ZNF536: variants seen among roughly 807,000 people sequenced by gnomAD.
ZNF536 encodes the protein zinc finger protein 536.
ZNF536 carries 13 observed loss-of-function variants against 84.5 expected under a neutral mutation model. That is an observed-to-expected ratio of 0.15 (90% CI 0.10 to 0.24). ZNF536 has a LOEUF of 0.24. Among genes scored for constraint, ZNF536 ranks in the 10% least tolerant of loss-of-function variants. The pLI, the probability that ZNF536 is intolerant of heterozygous loss-of-function variation, is 1.00. For missense variants in ZNF536, 1,536 were observed against 1,747.5 expected (o/e 0.88, Z 2.16); for synonymous variants, 811 against 742.5 (o/e 1.09, Z -1.50).
intron 2 of ZNF536, among the ~76,000 whole-genome samples, chr19:30,295,190 A>G (rs1192542115): frequency 1.3e-5 from 2 of 152,192 alleles, no homozygotes; most frequent in African/African-American, 4.8e-5. Flanking sequence ...CCACACTTTG[A>G]GTAGCAAGAG....
At chr19:30,685,519 G>A (rs576886945) in intron 1 of ZNF536, among the ~76,000 whole-genome samples, 1 of 152,218 alleles carries the variant, frequency 6.6e-6, no homozygotes, top group East Asian at 1.9e-4. Flanking sequence ...ACCCAGGGAG[G>A]TAGAGACGGA....
chr19:30,229,578 G>T (rs557766742), intron 1 of ZNF536, among the ~76,000 whole-genome samples: 8 of 152,196 alleles, frequency 5.3e-5, no homozygotes, highest in Admixed American at 6.5e-5. Flanking sequence ...TGGTGGGGGG[G>T]GCTCAGCTTT....
At chr19:30,351,918 G>A (rs1396994410) in intron 2 of ZNF536, among the ~76,000 whole-genome samples, 1 of 152,228 alleles carries the variant, frequency 6.6e-6, no homozygotes, top group Admixed American at 6.5e-5. Flanking sequence ...TGGGGGAGAA[G>A]AACAAAGGGA....
intron 1 of ZNF536, among the ~76,000 whole-genome samples, chr19:30,664,257 T>TCTCTCTCC (rs2050238445): frequency 7.5e-6 from 1 of 133,870 alleles, no homozygotes; most frequent in Non-Finnish European, 1.6e-5. Flanking sequence ...TCTCTCTCTC[T>TCTCTCTCC]CTCTCCCTCT....
intron 4 of ZNF536, among the ~76,000 whole-genome samples, chr19:30,549,944 G>A (rs965089221): frequency 6.6e-6 from 1 of 152,156 alleles, no homozygotes; most frequent in African/African-American, 2.4e-5. Flanking sequence ...AGCCAAATCT[G>A]CTTTCTTAAA....
intron 2 of ZNF536, among the ~76,000 whole-genome samples, chr19:30,525,237 C>T (rs979824001): frequency 1.3e-5 from 2 of 152,140 alleles, no homozygotes; most frequent in Non-Finnish European, 2.9e-5. Context: ...CCTGGACATC[C>T]CCAGGCCTCC....
At chr19:30,501,920 C>T (rs1232616471) in intron 2 of ZNF536, among the ~76,000 whole-genome samples, 1 of 152,190 alleles carries the variant, frequency 6.6e-6, no homozygotes, top group Non-Finnish European at 1.5e-5. Flanking sequence ...CATAAATGGG[C>T]TAAGGGAGGT....
chr19:30,383,630 C>T (rs1600486458), intron 1 of ZNF536, among the ~76,000 whole-genome samples: 1 of 139,102 alleles, frequency 7.2e-6, no homozygotes, highest in East Asian at 2.1e-4. Flanking sequence ...CTCTTTCTTT[C>T]TTCCTTTCTT....
intron 1 of ZNF536, among the ~76,000 whole-genome samples, chr19:30,689,745 A>T (rs1191195829): frequency 6.6e-6 from 1 of 152,170 alleles, no homozygotes; most frequent in Non-Finnish European, 1.5e-5. Context: ...GGAGGGCAAA[A>T]GCTCCTAGTG....
chr19:30,562,313 G>A (rs2146439267), downstream of ZNF536, among the ~76,000 whole-genome samples: 2 of 152,240 alleles, frequency 1.3e-5, no homozygotes, highest in South Asian at 4.1e-4. Flanking sequence ...ACAAGCATAA[G>A]AGCATGCAGG....
chr19:30,422,026 G>A (rs1246662533), intron 1 of ZNF536, among the ~76,000 whole-genome samples: 1 of 152,112 alleles, frequency 6.6e-6, no homozygotes, highest in African/African-American at 2.4e-5. Flanking sequence ...AATATTAGCA[G>A]GGGTACAAAA....
At chr19:30,341,295 G>A (rs2047557773) in intron 2 of ZNF536, among the ~76,000 whole-genome samples, 1 of 152,250 alleles carries the variant, frequency 6.6e-6, no homozygotes, top group South Asian at 2.1e-4. Flanking sequence ...TGAGATTGCA[G>A]TGATGTTGGG....
chr19:30,261,770 A>T (rs935010128), intron 1 of ZNF536, among the ~76,000 whole-genome samples: 3 of 152,070 alleles, frequency 2.0e-5, no homozygotes, highest in African/African-American at 7.2e-5. Context: ...TATTAAGTAA[A>T]TAAAGGTCTG....
intron 1 of ZNF536, among the ~76,000 whole-genome samples, chr19:30,605,709 G>A (rs919320309): frequency 3.9e-5 from 6 of 152,124 alleles, no homozygotes; most frequent in Admixed American, 1.3e-4. Flanking sequence ...ACCCAGGAGT[G>A]GGATTCCTGG....
At chr19:30,458,810 G>A (rs996975111) in intron 2 of ZNF536, among the ~76,000 whole-genome samples, 18 of 152,136 alleles carry the variant, frequency 1.2e-4, no homozygotes, top group African/African-American at 4.3e-4. Context: ...GGACCCATGT[G>A]CCTGGTGAGG....
At chr19:30,488,836 G>A (rs944295071) in intron 2 of ZNF536, among the ~76,000 whole-genome samples, 1 of 152,178 alleles carries the variant, frequency 6.6e-6, no homozygotes, top group Non-Finnish European at 1.5e-5. Flanking sequence ...CAAGATGTCT[G>A]CTTTTGGTTG....
At chr19:30,631,792 T>A (rs2048897538) in intron 1 of ZNF536, among the ~76,000 whole-genome samples, 1 of 152,178 alleles carries the variant, frequency 6.6e-6, no homozygotes, top group South Asian at 2.1e-4. Flanking sequence ...TCTGTATTGT[T>A]GAAAACATTC....
intron 1 of ZNF536, among the ~76,000 whole-genome samples, chr19:30,239,659 C>G (rs142269258): frequency 6.6e-6 from 1 of 152,188 alleles, no homozygotes; most frequent in African/African-American, 2.4e-5. Context: ...GCAATTAAGT[C>G]AAAGGCCTGG....
chr19:30,496,419 G>A (rs1371035149), intron 2 of ZNF536, among the ~76,000 whole-genome samples: 1 of 152,144 alleles, frequency 6.6e-6, no homozygotes, highest in Non-Finnish European at 1.5e-5. Flanking sequence ...AAGGCTCTTA[G>A]TGTCTCCTGC....
Sources: gnomAD v4.1 joint callset for allele counts (sites outside exome capture counted in the v4.1 genomes callset) on GRCh38, gnomAD v4.1.1 for gene constraint, MANE v1.5 for transcripts, NCBI Gene and HGNC (gene_info 2026-07-23, HGNC 2026-07-21) for gene names.